Variants in SERPINI2 observed in about 807,000 individuals in gnomAD.
SERPINI2 encodes serpin family I member 2.
SERPINI2 carries 48 observed loss-of-function variants against 47.3 expected under a neutral mutation model. That is an observed-to-expected ratio of 1.02 (90% confidence interval 0.81 to 1.29). The LOEUF (loss-of-function observed/expected upper bound fraction) is 1.29. Among genes scored for constraint, SERPINI2 ranks in the 50% most tolerant of loss-of-function variants. SERPINI2 has a pLI of 0.00. For missense variants in SERPINI2, 448 were observed against 456.9 expected, an observed-to-expected ratio of 0.98 and a Z score of 0.18; for synonymous variants, 135 against 149.3, an observed-to-expected ratio of 0.90 and a Z score of 0.70.
In SERPINI2 at chr3:167,461,421, T is replaced by C. The variant is rs183195565; in HGVS notation, c.866+3785A>G. Among the ~76,000 whole-genome samples, 4 of 152,334 alleles carry C rather than the reference T, an allele frequency of 2.6e-5. No individual in the cohort carries two copies. In the East Asian group the frequency reaches 7.7e-4, roughly 29 times the overall value. ...AACTGCCAACTATTGTTTTTGTTTC[T>C]ATAAAAACGAAGATTCAAATTCAGC... On this transcript the variant is annotated intron_variant, in intron 5 of 8. Transcript: ENST00000264677.
upstream of SERPINI2, among the ~76,000 whole-genome samples, chr3:167,474,872 A>G (rs1577181516): frequency 6.6e-6 from 1 of 151,850 alleles, no homozygotes; most frequent in Admixed American, 6.6e-5. Flanking sequence ...AGAAGAGAAA[A>G]AAAATTTAGT....
At chr3:167,443,405 C>A (rs1047511418) in intron 8 of SERPINI2, among the ~76,000 whole-genome samples, 1 of 152,140 alleles carries the variant, frequency 6.6e-6, no homozygotes, top group African/African-American at 2.4e-5. Context: ...CCGCGCCTGG[C>A]CCAGATTTTA....
chr3:167,461,641 C>T (rs1416231091), intron 5 of SERPINI2, among the ~76,000 whole-genome samples: 2 of 150,850 alleles, frequency 1.3e-5, no homozygotes, highest in Non-Finnish European at 1.5e-5. Flanking sequence ...GATAGGGTCT[C>T]GCTTTGCTGC....
chr3:167,459,362 C>A (rs967506313), intron 5 of SERPINI2, among the ~76,000 whole-genome samples: 4 of 152,124 alleles, frequency 2.6e-5, no homozygotes, highest in Admixed American at 2.6e-4. Flanking sequence ...GCGTGAGCCA[C>A]CGCGCCCGGC....
chr3:167,446,306 C>A, intron 8 of SERPINI2, 86 bp downstream of exon 8: 1 of 813,006 alleles, frequency 1.2e-6, no homozygotes, highest in Non-Finnish European at 1.9e-6. Flanking sequence ...GAACAAATGA[C>A]TTCAGATATG....
intron 2 of SERPINI2, chr3:167,469,177 C>T (rs1170515778): frequency 2.0e-5 from 3 of 152,144 alleles, no homozygotes; most frequent in African/African-American, 7.2e-5. Context: ...AATTATATAT[C>T]TCCTAATAAG....
chr3:167,462,576 C>T (rs1750015318), intron 5 of SERPINI2, among the ~76,000 whole-genome samples: 1 of 152,184 alleles, frequency 6.6e-6, no homozygotes, highest in African/African-American at 2.4e-5. Context: ...CTGTAAAAAT[C>T]TTGTCTCCAA....
chr3:167,474,386 A>G (rs1329885478), upstream of SERPINI2, among the ~76,000 whole-genome samples: 5 of 151,766 alleles, frequency 3.3e-5, no homozygotes, highest in Non-Finnish European at 7.4e-5. Flanking sequence ...CCTACATCAG[A>G]TTACCAATGC....
chr3:167,456,638 G>A (rs185442960), intron 5 of SERPINI2, among the ~76,000 whole-genome samples: 21 of 152,214 alleles, frequency 1.4e-4, no homozygotes, highest in Admixed American at 8.5e-4. Context: ...GTTTTCAGAC[G>A]TCTGGCTGAC....
upstream of SERPINI2, among the ~76,000 whole-genome samples, chr3:167,476,264 C>A (rs527319452): frequency 6.6e-6 from 1 of 151,910 alleles, no homozygotes; most frequent in South Asian, 2.1e-4. Context: ...TGAGATCCTG[C>A]TACCTGCCTA....
chr3:167,470,430 C>A (rs1436533844), intron 2 of SERPINI2, among the ~76,000 whole-genome samples: 1 of 151,154 alleles, frequency 6.6e-6, no homozygotes, highest in African/African-American at 2.4e-5. Flanking sequence ...GTTGTAGCAA[C>A]TAAATTCCCA....
At chr3:167,450,826 C>T (rs1257469939) in intron 6 of SERPINI2, among the ~76,000 whole-genome samples, 1 of 152,074 alleles carries the variant, frequency 6.6e-6, no homozygotes, top group Non-Finnish European at 1.5e-5. Flanking sequence ...GCAATGGCAC[C>T]AGCCCAAATG....
intron 5 of SERPINI2, among the ~76,000 whole-genome samples, chr3:167,455,236 T>C (rs932127033): frequency 2.6e-5 from 4 of 152,332 alleles, no homozygotes; most frequent in African/African-American, 9.6e-5. Flanking sequence ...AAATCATGAA[T>C]GGAATTTTTA....
At chr3:167,449,993 T>C (rs1451187812) in intron 6 of SERPINI2, among the ~76,000 whole-genome samples, 1 of 152,202 alleles carries the variant, frequency 6.6e-6, no homozygotes, top group Non-Finnish European at 1.5e-5. Flanking sequence ...AAGTGAAATA[T>C]TTGAAGGGAC....
intron 5 of SERPINI2, among the ~76,000 whole-genome samples, chr3:167,458,920 AG>A (rs1053636105): frequency 6.6e-6 from 1 of 152,164 alleles, no homozygotes; most frequent in Non-Finnish European, 1.5e-5. Context: ...CAAAGTTAAA[AG>A]TTACTTGTTT....
chr3:167,442,186 C>T lies in SERPINI2; in HGVS notation c.1142-1G>A, dbSNP rs747834843. The T allele has an allele frequency of 1.3e-6, 2 of 1,563,048 alleles. No homozygotes were observed. The highest frequency in any genetic ancestry group is 1.7e-6 in the Non-Finnish European group (2 of 1,160,166). On this transcript the variant is annotated splice_acceptor_variant, in intron 8 of 8. Coordinates refer to ENST00000264677, the Ensembl canonical transcript of SERPINI2. LOFTEE classifies it high-confidence loss of function. Reference sequence around the variant, plus strand: ...ACTCTTCCCATAAACAGAATTGATTCTAGGGAAAAAAAAACAAAAAAATAT... The same window carrying T: ...ACTCTTCCCATAAACAGAATTGATTTTAGGGAAAAAAAAACAAAAAAATAT...
chr3:167,449,069 G>T (rs534499973), intron 7 of SERPINI2, among the ~76,000 whole-genome samples: 1 of 152,104 alleles, frequency 6.6e-6, no homozygotes, highest in East Asian at 1.9e-4. Context: ...AATCCAATTC[G>T]CAAGTAAGCA....
At chr3:167,462,770 A>G (rs948983542) in intron 5 of SERPINI2, among the ~76,000 whole-genome samples, 6 of 152,136 alleles carry the variant, frequency 3.9e-5, no homozygotes, top group African/African-American at 1.4e-4. Context: ...ACAAGGCCAA[A>G]CGTTCAAAGT....
chr3:167,452,980 A>G lies in SERPINI2; in HGVS notation c.920T>C (p.Ile307Thr), dbSNP rs369145054. 17 of 1,608,042 alleles carry G rather than the reference A, an allele frequency of 1.1e-5. No homozygotes were observed. The African/African-American group carries it at 1.2e-4, about 11-fold the overall frequency. Reference sequence around the variant, plus strand: ...GCAGCCACCACTAAATATCTCGGTTATGTTCAAAGAATACAAAACGTCTTT... The same window carrying G: ...GCAGCCACCACTAAATATCTCGGTTGTGTTCAAAGAATACAAAACGTCTTT... The change falls in exon 6 of 9, where the codon ATA becomes ACA. Residue 307 changes from isoleucine (I) to threonine (T), a missense_variant. By Grantham distance (89) the Ile-to-Thr change is moderately conservative (BLOSUM62 -1). Coordinates refer to ENST00000264677, the Ensembl canonical transcript of SERPINI2.
Sources: gnomAD v4.1 joint callset for allele counts (sites outside exome capture counted in the v4.1 genomes callset) on GRCh38, gnomAD v4.1.1 for gene constraint, MANE v1.5 for transcripts, NCBI Gene and HGNC (gene_info 2026-07-23, HGNC 2026-07-21) for gene names.